RBFOX3: variants seen among roughly 807,000 people sequenced by gnomAD.
The protein encoded by RBFOX3 is RNA binding fox-1 homolog 3.
A neutral mutation model predicts 48.7 loss-of-function variants in RBFOX3; 17 were observed. The ratio of observed to expected loss-of-function variants is 0.35; its 90% CI spans 0.24 to 0.52. The LOEUF (loss-of-function observed/expected upper bound fraction) is 0.52. Ranked by LOEUF, RBFOX3 falls within the 20% of genes least tolerant of loss-of-function variation. The pLI is 0.94. For synonymous variants in RBFOX3, 212 were observed against 209.5 expected (o/e 1.01, Z -0.10); for missense variants, 382 against 497.5 (o/e 0.77, Z 2.21).
At chr17:79,223,202 C>T (rs1019800968) in intron 4 of RBFOX3, among the ~76,000 whole-genome samples, 1 of 152,188 alleles carries the variant, frequency 6.6e-6, no homozygotes, top group Non-Finnish European at 1.5e-5. Flanking sequence ...CAACAGCAGA[C>T]AGCACACACA....
At chr17:79,159,957 C>T (rs1394779092) in intron 4 of RBFOX3, among the ~76,000 whole-genome samples, 1 of 152,206 alleles carries the variant, frequency 6.6e-6, no homozygotes. Flanking sequence ...TCCCCAGCAC[C>T]GTTGATACAG....
In RBFOX3 at chr17:79,133,901, C is replaced by G. The variant is rs550568333; in HGVS notation, c.-33-18153G>C. Among the ~76,000 whole-genome samples the G allele has an allele frequency of 5.9e-5, 9 of 152,348 alleles. No individual in the cohort carries two copies. The East Asian group carries it at 1.3e-3, about 23-fold the overall frequency. On this transcript the variant is annotated intron_variant, in intron 4 of 14. Coordinates refer to ENST00000693108, the MANE Select transcript of RBFOX3 (RefSeq NM_001350451.2). Reference sequence around the variant, plus strand: ...GAGCAGCCCCTGGGCCTCTCTCCCCCAGGGTTCCAGGGCCGCTTGCTCTGC... The same window carrying G: ...GAGCAGCCCCTGGGCCTCTCTCCCCGAGGGTTCCAGGGCCGCTTGCTCTGC...
Position 79,112,232 on chromosome 17 carries a change from G to A in RBFOX3, c.222+3262C>T, listed in dbSNP as rs193182272. On this transcript the variant is annotated intron_variant, in intron 5 of 14. Transcript: ENST00000693108. ...AAAATCAGTGCACGCTCCGCCTTCT[G>A]TGGGAAGTCTCAGTGTCGGTGAGGG... 1.8e-3 allele frequency among the ~76,000 whole-genome samples: 277 copies of A among 152,330 alleles called. 1 individual carries two copies. The highest frequency in any genetic ancestry group is 6.2e-3 in the African/African-American group (259 of 41,562).
intron 2 of RBFOX3, among the ~76,000 whole-genome samples, chr17:79,317,033 T>C (rs77510324): frequency 0.059 from 9,018 of 152,040 alleles, 318 homozygotes; most frequent in East Asian, 0.096. Context: ...CACATACACA[T>C]CCTTCAAAGA....
the RBFOX3 span, among the ~76,000 whole-genome samples, chr17:79,653,715 T>C: frequency 2.0e-5 from 3 of 151,722 alleles, no homozygotes; most frequent in African/African-American, 7.3e-5. Context: ...CTGGTGTTTA[T>C]TATAAATTTG....
At chr17:79,649,234 C>T in the RBFOX3 span, among the ~76,000 whole-genome samples, 1 of 152,288 alleles carries the variant, frequency 6.6e-6, no homozygotes, top group South Asian at 2.1e-4. Context: ...CCCACCTTGG[C>T]TTCCCAAAGT....
chr17:79,437,755 T>C (rs1555732058), intron 2 of RBFOX3, among the ~76,000 whole-genome samples: 1 of 152,242 alleles, frequency 6.6e-6, no homozygotes, highest in African/African-American at 2.4e-5. Flanking sequence ...CTGAAACCTG[T>C]GTCATCTCCC....
At chr17:79,378,199 C>T (rs7219868) in intron 2 of RBFOX3, among the ~76,000 whole-genome samples, 6,618 of 152,060 alleles carry the variant, frequency 0.044, 474 homozygotes, top group African/African-American at 0.15. Flanking sequence ...CGAGCCTCCC[C>T]GTAGGGGCTT....
At chr17:79,429,559 T>C (rs951161322) in intron 2 of RBFOX3, among the ~76,000 whole-genome samples, 2 of 152,116 alleles carry the variant, frequency 1.3e-5, no homozygotes, top group Non-Finnish European at 2.9e-5. Context: ...CCCAGTGTGG[T>C]GCCAGCTGCC....
chr17:79,261,950 G>A (rs1458778962), intron 3 of RBFOX3, among the ~76,000 whole-genome samples: 1 of 152,158 alleles, frequency 6.6e-6, no homozygotes, highest in Non-Finnish European at 1.5e-5. Flanking sequence ...GGAGGCGTAC[G>A]AACACCTGCA....
intron 2 of RBFOX3, among the ~76,000 whole-genome samples, chr17:79,470,383 G>A (rs1395184884): frequency 6.6e-6 from 1 of 152,190 alleles, no homozygotes; most frequent in African/African-American, 2.4e-5. Flanking sequence ...GGCTAGGGCT[G>A]GACGGAGGGC....
At chr17:79,225,329 T>G (rs552840430) in intron 4 of RBFOX3, among the ~76,000 whole-genome samples, 86 of 148,810 alleles carry the variant, frequency 5.8e-4, no homozygotes, top group Non-Finnish European at 9.5e-4. Flanking sequence ...CTCACTCTGT[T>G]GCTCAGGCTG....
intron 1 of RBFOX3, among the ~76,000 whole-genome samples, chr17:79,518,378 G>T (rs1162183074): frequency 6.6e-6 from 1 of 152,190 alleles, no homozygotes; most frequent in Admixed American, 6.5e-5. Context: ...TGGGAGAAGC[G>T]GGCAGGCGGG....
At position 79,392,004 on chromosome 17, in the gene RBFOX3, G is replaced by A. The variant is rs1353314941; in HGVS notation, c.-174-84180C>T. On this transcript the variant is annotated intron_variant, in intron 2 of 14. Transcript: ENST00000693108. The surrounding 1 kb of genome is among the most constrained non-coding windows in gnomAD (Gnocchi z 5.0). ...ATGGCAACGCTCCCGCCAGGGCCCC[G>A]CGATGGTCAGGCTTTCTGCCGTCTT... is the stretch of plus-strand genomic sequence containing the variant. 2.0e-5 allele frequency among the ~76,000 whole-genome samples: 3 copies of A among 152,162 alleles called. No individual in the cohort carries two copies. Among genetic ancestry groups the A allele is most frequent in the Admixed American group, 6.5e-5 (1 of 15,274 alleles).
At chr17:79,196,773 A>G (rs2055676634) in intron 4 of RBFOX3, among the ~76,000 whole-genome samples, 1 of 152,234 alleles carries the variant, frequency 6.6e-6, no homozygotes, top group East Asian at 1.9e-4. Flanking sequence ...CAGAGAGTCT[A>G]CAGATAATTC....
intron 2 of RBFOX3, among the ~76,000 whole-genome samples, chr17:79,431,312 G>A (rs1032686255): frequency 2.0e-5 from 3 of 152,092 alleles, no homozygotes; most frequent in African/African-American, 7.2e-5. Flanking sequence ...AAGAGCCTCT[G>A]ACCACATTTT....
the RBFOX3 span, among the ~76,000 whole-genome samples, chr17:79,625,882 G>A: frequency 6.6e-6 from 1 of 152,358 alleles, no homozygotes; most frequent in Admixed American, 6.5e-5. Context: ...GGTGGCTGCG[G>A]CCGCTAGGGC....
intron 4 of RBFOX3, among the ~76,000 whole-genome samples, chr17:79,186,007 G>T (rs1411184316): frequency 6.6e-5 from 10 of 152,310 alleles, no homozygotes. Flanking sequence ...TGTGGCCAGG[G>T]AAGGTTTCCT....
At chr17:79,612,887 C>A (rs2145590967), upstream of RBFOX3, among the ~76,000 whole-genome samples, 1 of 152,300 alleles carries the variant, frequency 6.6e-6, no homozygotes, top group Admixed American at 6.5e-5. Flanking sequence ...GGCAGTGCCC[C>A]CTGTCGGTCC....
Sources: allele counts gnomAD v4.1 joint callset (sites outside exome capture counted in the v4.1 genomes callset), GRCh38; gene constraint gnomAD v4.1.1; non-coding constraint Gnocchi (gnomAD v3.1); transcripts MANE v1.5; gene names NCBI Gene and HGNC (gene_info 2026-07-23, HGNC 2026-07-21).